The following GCC2 variants were observed in gnomAD, a reference collection of about 807,000 sequenced individuals.
GCC2 encodes GRIP and coiled-coil domain containing 2.
Under a neutral mutation model 210.6 loss-of-function variants are expected in GCC2, and 120 were observed. The observed-to-expected ratio is 0.57, with a 90% confidence interval of 0.49 to 0.66. The LOEUF is 0.66. Ranked by LOEUF, GCC2 falls within the 30% of genes least tolerant of loss-of-function variation. The pLI, the probability that GCC2 is intolerant of heterozygous loss-of-function variation, is 0.00. For synonymous variants in GCC2, 703 were observed against 652.7 expected (o/e 1.08, Z -1.17); for missense variants, 1,868 against 1,871.9 (o/e 1.00, Z 0.04).
chr2:108,496,363 G>A (rs540243361), intron 20 of GCC2: 2 of 155,264 alleles, frequency 1.3e-5, no homozygotes, highest in Admixed American at 6.3e-5. Flanking sequence ...TGGAGTAAGG[G>A]TCATTTGTAT....
chr2:108,462,494 A>AAAAT (rs143022273), intron 4 of GCC2: 28,311 of 140,298 alleles, frequency 0.2, 3,420 homozygotes, highest in African/African-American at 0.29. Flanking sequence ...ACTCAGTCTC[A>AAAAT]AAATAAATAA....
At chr2:108,460,466 T>A (rs1282426685) in intron 4 of GCC2, among the ~76,000 whole-genome samples, 1 of 152,224 alleles carries the variant, frequency 6.6e-6, no homozygotes, top group African/African-American at 2.4e-5. Context: ...TGGTTTGCTG[T>A]CTTTTTATGG....
Position 108,489,824 on chromosome 2 carries a change from T to C in GCC2, c.4053-14T>C, listed in dbSNP as rs1238874641. 1 of 1,572,918 alleles carries C rather than the reference T, an allele frequency of 6.4e-7. No homozygotes were observed. Among genetic ancestry groups the C allele is most frequent in the Admixed American group, 2.0e-5 (1 of 50,362 alleles). Reference sequence around the variant, plus strand: ...TTTTTCAAAAAATTTTAAAACTGTGTATTTCTGTTTTAGGGAACATCTGGA... The same window carrying C: ...TTTTTCAAAAAATTTTAAAACTGTGCATTTCTGTTTTAGGGAACATCTGGA... On this transcript the variant is annotated splice_polypyrimidine_tract_variant and intron_variant, in intron 17 of 22. Transcript: ENST00000309863.
chr2:108,503,972 G>A (rs1683057464), intron 22 of GCC2, among the ~76,000 whole-genome samples: 1 of 152,044 alleles, frequency 6.6e-6, no homozygotes, highest in Non-Finnish European at 1.5e-5. Context: ...CCCAGATCTG[G>A]TGGCATGTGT....
At chr2:108,502,634 G>A (rs1682978272) in intron 22 of GCC2, among the ~76,000 whole-genome samples, 1 of 144,550 alleles carries the variant, frequency 6.9e-6, no homozygotes, top group Admixed American at 6.8e-5. Flanking sequence ...CTCTCTTAAA[G>A]AGAGAGAATG....
chr2:108,484,991 A>G (rs1223399255), intron 13 of GCC2, among the ~76,000 whole-genome samples: 1 of 151,870 alleles, frequency 6.6e-6, no homozygotes, highest in Non-Finnish European at 1.5e-5. Flanking sequence ...CTATGCAGCC[A>G]TAAAAAATGA....
At chr2:108,477,384 A>G (rs544357730) in intron 9 of GCC2, among the ~76,000 whole-genome samples, 15 of 152,326 alleles carry the variant, frequency 9.8e-5, no homozygotes, top group Middle Eastern at 3.4e-3. Context: ...ATTAGCATCA[A>G]CACTTTACAA....
At chr2:108,499,246 G>A (rs879190344) in intron 21 of GCC2, among the ~76,000 whole-genome samples, 8 of 152,102 alleles carry the variant, frequency 5.3e-5, no homozygotes, top group East Asian at 1.9e-4. Flanking sequence ...GCTTAGGACA[G>A]TGGAGTTATA....
chr2:108,505,131 G>A (rs1683122002), intron 22 of GCC2, among the ~76,000 whole-genome samples: 2 of 152,204 alleles, frequency 1.3e-5, no homozygotes, highest in Non-Finnish European at 2.9e-5. Context: ...ACAAGGGCAG[G>A]GGCCTGCCAG....
intron 22 of GCC2, among the ~76,000 whole-genome samples, chr2:108,506,106 C>T (rs1273265116): frequency 6.6e-6 from 1 of 152,116 alleles, no homozygotes; most frequent in African/African-American, 2.4e-5. Context: ...GACTTATGCA[C>T]TTTAAAAAGG....
Position 108,496,975 on chromosome 2 carries a change from C to T in GCC2, c.4648C>T (p.Pro1550Ser). 1 of 1,611,934 alleles carries T rather than the reference C, an allele frequency of 6.2e-7. No homozygotes were observed. Among genetic ancestry groups the T allele is most frequent in the Non-Finnish European group, 8.5e-7 (1 of 1,179,854 alleles). Residue 1550 changes from proline (P) to serine (S), a missense_variant, in exon 21 of 23, where the codon CCA becomes TCA. Physicochemically the swap from Pro to Ser is moderately conservative, Grantham distance 74. Coordinates refer to ENST00000309863, the MANE Select transcript of GCC2 (RefSeq NM_181453.4). ...LNSPETKLEPPLWHAEFTKEE... is the reference protein window; with the variant it reads ...LNSPETKLEPSLWHAEFTKEE... Reference sequence around the variant, plus strand: ...CTTGGAACAACATGTTGCAGAGCCTCCATTATGGCATGCTGAATTTACCAA... The same window carrying T: ...CTTGGAACAACATGTTGCAGAGCCTTCATTATGGCATGCTGAATTTACCAA...
chr2:108,454,519 GTCT>G (rs934817301), intron 4 of GCC2, among the ~76,000 whole-genome samples: 3 of 152,130 alleles, frequency 2.0e-5, no homozygotes, highest in Non-Finnish European at 2.9e-5. Context: ...GTTCACAGTA[GTCT>G]TCTTTGTATA....
chr2:108,452,041 A>C (rs994058471), intron 3 of GCC2, among the ~76,000 whole-genome samples: 1 of 151,958 alleles, frequency 6.6e-6, no homozygotes, highest in Non-Finnish European at 1.5e-5. Context: ...ACGAGGTTTC[A>C]CCATGTTGGC....
chr2:108,449,522 C>T (rs1388896995), intron 1 of GCC2, 111 bp from the exon 2 acceptor site: 11 of 1,273,552 alleles, frequency 8.6e-6, no homozygotes, highest in Non-Finnish European at 1.2e-5. Context: ...TCTCACGAGG[C>T]TTTCCACCAC....
In GCC2 at chr2:108,469,888, A is replaced by G. The variant is rs751554456; in HGVS notation, c.559A>G (p.Ile187Val). The stretch of plus-strand genomic sequence containing the variant: ...TAATGTTAAAAAACTACAAGAAGAG[A>G]TTGAGAAAATTAGGCCAGGCTTTGA... Reference protein sequence around the residue: ...EDNVKKLQEEIEKIRPGFEEQ... With the variant: ...EDNVKKLQEEVEKIRPGFEEQ... Residue 187 changes from isoleucine (I) to valine (V), a missense_variant, in exon 6 of 23, where the codon ATT becomes GTT. Ile to Val is a conservative substitution (Grantham distance 29). Coordinates refer to ENST00000309863, the MANE Select transcript of GCC2 (RefSeq NM_181453.4). 5.6e-6 allele frequency: 9 copies of G among 1,613,342 alleles called. No individual in the cohort carries two copies. The Admixed American group carries it at 1.5e-4, about 27-fold the overall frequency.
Position 108,495,454 on chromosome 2 carries a change from G to A in GCC2, c.4611G>A (p.Glu1537=). ...CCAGCACATACACACAGTCTTTAGA[G>A]CAGCTGCTTAACTCTCCCGAAACTA... ...SSASTYTQSL[E]QLLNSPETKL... The change falls in exon 20 of 23, where the codon GAG becomes GAA. Residue 1537 remains glutamate, a synonymous_variant. Coordinates refer to ENST00000309863, the MANE Select transcript of GCC2 (RefSeq NM_181453.4). 4.4e-6 allele frequency: 7 copies of A among 1,593,336 alleles called. No homozygotes were observed. Among genetic ancestry groups the A allele is most frequent in the East Asian group, 2.2e-5 (1 of 44,836 alleles).
chr2:108,465,651 G>A (rs1680843791), intron 4 of GCC2, among the ~76,000 whole-genome samples: 1 of 152,148 alleles, frequency 6.6e-6, no homozygotes, highest in Admixed American at 6.5e-5. Flanking sequence ...CTCCATCCAA[G>A]TTGCCTAAAA....
intron 3 of GCC2, among the ~76,000 whole-genome samples, chr2:108,451,982 TGCAG>T (rs1422176652): frequency 6.6e-6 from 1 of 152,074 alleles, no homozygotes; most frequent in East Asian, 1.9e-4. Flanking sequence ...TAACTGGGAC[TGCAG>T]GCACCCACCA....
At chr2:108,451,833 C>G (rs1374174797) in intron 3 of GCC2, among the ~76,000 whole-genome samples, 2 of 145,760 alleles carry the variant, frequency 1.4e-5, no homozygotes, top group Non-Finnish European at 3.0e-5. Flanking sequence ...TCTTTTCTCT[C>G]TCTCTCTCTT....
Sources: allele counts gnomAD v4.1 joint callset (sites outside exome capture counted in the v4.1 genomes callset), GRCh38; gene constraint gnomAD v4.1.1; transcripts MANE v1.5; gene names NCBI Gene and HGNC (gene_info 2026-07-23, HGNC 2026-07-21).